Variants in ADAMTS2 observed in about 807,000 individuals in gnomAD.
ADAMTS2 encodes the protein A disintegrin and metalloproteinase with thrombospondin motifs 2.
Under a neutral mutation model 123.0 loss-of-function variants are expected in ADAMTS2, and 50 were observed. That is an observed-to-expected ratio of 0.41 (90% confidence interval 0.32 to 0.51). The LOEUF (loss-of-function observed/expected upper bound fraction) is 0.51. Ranked by LOEUF, ADAMTS2 falls within the 20% of genes least tolerant of loss-of-function variation. ADAMTS2 has a pLI of 0.35. For synonymous variants in ADAMTS2, 678 were observed against 695.4 expected (o/e 0.98, Z 0.39); for missense variants, 1,494 against 1,705.2 (o/e 0.88, Z 2.18).
At position 179,129,824 on chromosome 5, in the gene ADAMTS2, C is replaced by G; in HGVS notation, c.2457+108G>C. Reference sequence around the variant, plus strand: ...TGCCAAAGGCAGGCCAAAGGGGCCACGCAGAGTGTCACCTGAAGGGTCAGG... The same window carrying G: ...TGCCAAAGGCAGGCCAAAGGGGCCAGGCAGAGTGTCACCTGAAGGGTCAGG... On this transcript the variant is annotated intron_variant, in intron 16 of 21. Transcript: ENST00000251582. The surrounding 1 kb of genome is among the most constrained non-coding windows in gnomAD (Gnocchi z 4.1). The G allele has an allele frequency of 6.8e-7, 1 of 1,473,954 alleles. No individual in the cohort carries two copies. The highest frequency in any genetic ancestry group is 9.3e-7 in the Non-Finnish European group (1 of 1,080,140). 91.3% of individuals were successfully genotyped at this position (1,473,954 alleles called of 1,614,324 possible).
At position 179,234,798 on chromosome 5, in the gene ADAMTS2, G is replaced by A. The variant is rs1168353444; in HGVS notation, c.689-27083C>T. Among the ~76,000 whole-genome samples, 3 of 152,012 alleles carry A rather than the reference G, an allele frequency of 2.0e-5. No individual in the cohort carries two copies. Among genetic ancestry groups the A allele is most frequent in the African/African-American group, 4.8e-5 (2 of 41,382 alleles). On this transcript the variant is annotated intron_variant, in intron 3 of 21. Coordinates refer to ENST00000251582, the MANE Select transcript of ADAMTS2 (RefSeq NM_014244.5). This position sits in a 1 kb window ranked among gnomAD's most constrained non-coding sequence, Gnocchi z 4.7. Reference sequence around the variant, plus strand: ...CCTCCTCCCAGACCTGGCCCCATCCGCTGCTGCTCCCTGCCCTTCACTCCC... The same window carrying A: ...CCTCCTCCCAGACCTGGCCCCATCCACTGCTGCTCCCTGCCCTTCACTCCC...
chr5:179,190,941 G>A lies in ADAMTS2; in HGVS notation c.892-9786C>T, dbSNP rs533289841. Among the ~76,000 whole-genome samples, 14 of 152,382 alleles carry A rather than the reference G, an allele frequency of 9.2e-5. No homozygotes were observed. The South Asian group carries it at 1.0e-3, about 11-fold the overall frequency. On this transcript the variant is annotated intron_variant, in intron 4 of 21. Transcript: ENST00000251582. ...GGGGCTGCTGTGCCCAGGCACGTCCGCGAGTGTGACCCAGCCCTGGAGCTC... is the reference window on the plus strand; with the variant it reads ...GGGGCTGCTGTGCCCAGGCACGTCCACGAGTGTGACCCAGCCCTGGAGCTC...
chr5:179,343,901 CG>C lies in ADAMTS2; in HGVS notation c.399del (p.Ala135ProfsTer30). ...RLRPNARLVA[P>X]GATMEWQGEK... ...TCGCCCTGCCACTCCATAGTGGCCC[CG>C]GGCGCCACGAGGCGGGCGTTGGGCC... is the stretch of plus-strand genomic sequence containing the variant. On this transcript the variant is annotated frameshift_variant, in exon 2 of 22. Coordinates refer to ENST00000251582, the MANE Select transcript of ADAMTS2 (RefSeq NM_014244.5). LOFTEE classifies it high-confidence loss of function. 1 of 1,604,256 alleles carries C rather than the reference CG, an allele frequency of 6.2e-7. No homozygotes were observed. The highest frequency in any genetic ancestry group is 8.5e-7 in the Non-Finnish European group (1 of 1,176,802).
rs968175110 is a variant in ADAMTS2 at position 179,313,213 on chromosome 5, C to A, written c.534+30554G>T. ...ACGCACACGCATTCACACTCATGCA[C>A]ACACACACACCGAGACAGAGGAGGG... is the stretch of plus-strand genomic sequence containing the variant. On this transcript the variant is annotated intron_variant, in intron 2 of 21. Coordinates refer to ENST00000251582, the MANE Select transcript of ADAMTS2 (RefSeq NM_014244.5). Among the ~76,000 whole-genome samples, 6 of 151,412 alleles carry A rather than the reference C, an allele frequency of 4.0e-5. No individual in the cohort carries two copies. The East Asian group carries it at 1.2e-3, about 30-fold the overall frequency.
intron 2 of ADAMTS2, among the ~76,000 whole-genome samples, chr5:179,282,279 T>C (rs1184625207): frequency 2.0e-5 from 3 of 152,260 alleles, no homozygotes; most frequent in Admixed American, 1.3e-4. Context: ...CTCTTACATG[T>C]AGATCTATGA....
intron 2 of ADAMTS2, among the ~76,000 whole-genome samples, chr5:179,324,458 T>A (rs1023518809): frequency 6.6e-6 from 1 of 150,946 alleles, no homozygotes; most frequent in Non-Finnish European, 1.5e-5. Context: ...TGGTGCGATC[T>A]CAGCTCACTG....
In ADAMTS2 at chr5:179,112,646, A is replaced by T. The variant is rs1762588719; in HGVS notation, c.*1221T>A. 6.6e-6 allele frequency: 1 copy of T among 152,390 alleles called. No homozygotes were observed. The highest frequency in any genetic ancestry group is 2.4e-5 in the African/African-American group (1 of 41,454). The allele number at this position is 152,390 out of a possible 1,614,324, so 9.4% of individuals were successfully genotyped here. A position where few individuals can be genotyped will look rare whatever the true frequency, so the allele number is the denominator to read the frequency against. On this transcript the variant is annotated 3_prime_UTR_variant, in exon 22 of 22. Transcript: ENST00000251582. ...AGGTGGGGCAGGGCGGGACAGGGAA[A>T]GCCCATTCCCAGCAAGCAAGCAAAG...
At position 179,144,722 on chromosome 5, in the gene ADAMTS2, T is replaced by A. The variant is rs189792158; in HGVS notation, c.1630-4687A>T. Reference sequence around the variant, plus strand: ...AAAAGAATGACGTTGGACATCTTCCTCACACTTACACAAAAATTAACTCAA... The same window carrying A: ...AAAAGAATGACGTTGGACATCTTCCACACACTTACACAAAAATTAACTCAA... On this transcript the variant is annotated intron_variant, in intron 10 of 21. Transcript: ENST00000251582. Among the ~76,000 whole-genome samples, 8 of 152,364 alleles carry A rather than the reference T, an allele frequency of 5.3e-5. No homozygotes were observed. The East Asian group carries it at 1.5e-3, about 29-fold the overall frequency.
intron 2 of ADAMTS2, among the ~76,000 whole-genome samples, chr5:179,313,067 C>A (rs1756875561): frequency 6.6e-6 from 1 of 152,198 alleles, no homozygotes; most frequent in African/African-American, 2.4e-5. Flanking sequence ...AACATCGAAA[C>A]CCGATACATC....
intron 10 of ADAMTS2, among the ~76,000 whole-genome samples, chr5:179,145,264 G>A (rs1763231645): frequency 6.6e-6 from 1 of 152,154 alleles, no homozygotes; most frequent in Admixed American, 6.5e-5. Flanking sequence ...GGAGAAATCT[G>A]AAGCATCATT....
intron 18 of ADAMTS2, 92 bp downstream of exon 18, chr5:179,125,906 G>A: frequency 6.4e-7 from 1 of 1,552,746 alleles, no homozygotes; most frequent in African/African-American, 1.4e-5. Context: ...CTCGGATGAT[G>A]CCAGGCCCAG....
intron 15 of ADAMTS2, among the ~76,000 whole-genome samples, chr5:179,131,695 G>GT (rs926815690): frequency 6.6e-6 from 1 of 152,182 alleles, no homozygotes; most frequent in Non-Finnish European, 1.5e-5. Flanking sequence ...GCGCTGCTTC[G>GT]TGGAAAGGGG....
rs1255386780 is a variant in ADAMTS2, at chr5:179,329,189, T to A, written c.534+14578A>T. Among the ~76,000 whole-genome samples the A allele has an allele frequency of 3.3e-5, 5 of 151,946 alleles. No homozygotes were observed. The East Asian group carries it at 9.7e-4, about 29-fold the overall frequency. The stretch of plus-strand genomic sequence containing the variant: ...AAAAATACAAAAAATTAGCCGGGTG[T>A]GGTGGCGGGCGCCTGTAGTCCCAGC... On this transcript the variant is annotated intron_variant, in intron 2 of 21. Coordinates refer to ENST00000251582, the MANE Select transcript of ADAMTS2 (RefSeq NM_014244.5).
At chr5:179,195,259 A>G (rs57451698) in intron 4 of ADAMTS2, among the ~76,000 whole-genome samples, 2,550 of 152,234 alleles carry the variant, frequency 0.017, 85 homozygotes, top group African/African-American at 0.057. Flanking sequence ...CCCGTGCTCT[A>G]CTGAGCACTT....
intron 19 of ADAMTS2, 21 bp from the exon 20 acceptor site, chr5:179,122,794 G>C: frequency 6.4e-7 from 1 of 1,552,600 alleles, no homozygotes; most frequent in South Asian, 1.2e-5. Context: ...AGAGTCGCCA[G>C]GCAGGGTTCA....
Position 179,114,303 on chromosome 5 carries a change from T to A in ADAMTS2, c.3200A>T (p.Lys1067Met), listed in dbSNP as rs756891532. ...GACTTCCATCCTACAGAATATTGACTTGTCGCCTTGGCAGTGGCCCTCTGA... is the reference window on the plus strand; with the variant it reads ...GACTTCCATCCTACAGAATATTGACATGTCGCCTTGGCAGTGGCCCTCTGA... ...ISSKGHCQGD[K>M]SIFCRMEVLS... The change falls in exon 22 of 22, where the codon AAG (lysine) becomes ATG (methionine). Residue 1067 changes from lysine to methionine, a missense_variant. This residue lies in a region of ADAMTS2 where 953 missense variants were observed against 1,124.7 expected (regional missense o/e 0.85). Coordinates refer to ENST00000251582, the MANE Select transcript of ADAMTS2 (RefSeq NM_014244.5). 9 of 1,613,992 alleles carry A rather than the reference T, an allele frequency of 5.6e-6. 1 individual carries two copies. In the South Asian group the frequency reaches 9.9e-5, roughly 18 times the overall value.
At chr5:179,235,666 G>A (rs1287241980) in intron 3 of ADAMTS2, among the ~76,000 whole-genome samples, 4 of 152,206 alleles carry the variant, frequency 2.6e-5, no homozygotes, top group African/African-American at 9.6e-5. Flanking sequence ...GGAGAGGAAG[G>A]GCAGAGAGGA....
In ADAMTS2 at chr5:179,138,096, CT is replaced by C. The variant is rs1763097944; in HGVS notation, c.1776-153del. The C allele has an allele frequency of 2.2e-5, 19 of 874,702 alleles. No homozygotes were observed. The South Asian group carries it at 2.8e-4, about 13-fold the overall frequency. The allele number at this position is 874,702 out of a possible 1,614,324, so 54.2% of individuals were successfully genotyped here. ...CAAAGGGACCTTGCCCTGCCATGTC[CT>C]AGCTGTAAGACCTGGGCAGTTGTCC... On this transcript the variant is annotated intron_variant, in intron 11 of 21. Coordinates refer to ENST00000251582, the MANE Select transcript of ADAMTS2 (RefSeq NM_014244.5).
At chr5:179,278,628 G>A (rs999718238) in intron 2 of ADAMTS2, among the ~76,000 whole-genome samples, 1 of 152,080 alleles carries the variant, frequency 6.6e-6, no homozygotes, top group Non-Finnish European at 1.5e-5. Context: ...ACCCCGACCT[G>A]GCTCTAAGTG....
Sources: gnomAD v4.1 joint callset for allele counts (sites outside exome capture counted in the v4.1 genomes callset) on GRCh38, gnomAD v4.1.1 for gene constraint, gnomAD v4.1.1 regional missense constraint, Gnocchi (gnomAD v3.1) non-coding constraint, MANE v1.5 for transcripts, NCBI Gene and HGNC (gene_info 2026-07-23, HGNC 2026-07-21) for gene names.